TAMM41: variants seen among roughly 807,000 people sequenced by gnomAD.
TAMM41 encodes the protein phosphatidate cytidylyltransferase, mitochondrial.
A neutral mutation model predicts 44.1 loss-of-function variants in TAMM41; 36 were observed. That is an observed-to-expected ratio of 0.82 (90% confidence interval 0.63 to 1.08). The LOEUF (loss-of-function observed/expected upper bound fraction) is 1.08. Among genes scored for constraint, TAMM41 ranks in the 50% least tolerant of loss-of-function variants. The probability of loss-of-function intolerance (pLI) is 0.00; values close to 1 mark genes in which losing one functional copy is unlikely to be tolerated. For synonymous variants in TAMM41, 164 were observed against 153.1 expected, an observed-to-expected ratio of 1.07 and a Z score of -0.53; for missense variants, 417 against 404.3, an observed-to-expected ratio of 1.03 and a Z score of -0.27.
chr3:11,723,354 T>C, the TAMM41 span, among the ~76,000 whole-genome samples: 1 of 151,784 alleles, frequency 6.6e-6, no homozygotes, highest in Non-Finnish European at 1.5e-5. Context: ...CCAAGGCGGG[T>C]GCATTGCTTT....
intron 7 of TAMM41, among the ~76,000 whole-genome samples, chr3:11,797,957 C>G (rs2077650136): frequency 6.6e-6 from 1 of 152,188 alleles, no homozygotes; most frequent in Admixed American, 6.5e-5. Context: ...GAGATTCCAT[C>G]TCACAGCAGT....
chr3:11,846,883 C>T lies in TAMM41; in HGVS notation c.-247G>A, dbSNP rs2079730846. ...GCGGCGGTCGCACAGGCAGAGCTTC[C>T]GTCCCTTGCTACGCCCCACGCACGC... On this transcript the variant is annotated 5_prime_UTR_variant, in exon 1 of 8. Transcript: ENST00000455809. 4 of 514,088 alleles carry T rather than the reference C, an allele frequency of 7.8e-6. No homozygotes were observed. The East Asian group carries it at 1.1e-4, about 14-fold the overall frequency. The allele number at this position is 514,088 out of a possible 1,614,324, so 31.8% of individuals were successfully genotyped here. A position where few individuals can be genotyped will look rare whatever the true frequency, so the allele number is the denominator to read the frequency against.
the TAMM41 span, among the ~76,000 whole-genome samples, chr3:11,758,107 A>C: frequency 6.6e-6 from 1 of 152,158 alleles, no homozygotes; most frequent in Admixed American, 6.6e-5. Flanking sequence ...GGGTGAAAGA[A>C]GGAAAGAACA....
At chr3:11,775,582 A>G in the TAMM41 span, among the ~76,000 whole-genome samples, 1 of 152,230 alleles carries the variant, frequency 6.6e-6, no homozygotes, top group African/African-American at 2.4e-5. Context: ...TCAGATTCAG[A>G]TACAATCATT....
intron 5 of TAMM41, among the ~76,000 whole-genome samples, chr3:11,813,922 A>G (rs1318417913): frequency 2.0e-5 from 3 of 149,218 alleles, no homozygotes; most frequent in Non-Finnish European, 4.4e-5. Flanking sequence ...GTATATATGT[A>G]TATATGTGTG....
chr3:11,731,245 G>C, the TAMM41 span, among the ~76,000 whole-genome samples: 1 of 152,184 alleles, frequency 6.6e-6, no homozygotes, highest in African/African-American at 2.4e-5. Context: ...GGTAAAATCA[G>C]ATCTTGTTTA....
At chr3:11,765,667 G>A in the TAMM41 span, among the ~76,000 whole-genome samples, 1 of 150,880 alleles carries the variant, frequency 6.6e-6, no homozygotes, top group African/African-American at 2.5e-5. Flanking sequence ...TGTTAATGAT[G>A]TTATTATGAT....
chr3:11,802,270 A>C (rs2077776759), intron 7 of TAMM41, among the ~76,000 whole-genome samples: 1 of 152,176 alleles, frequency 6.6e-6, no homozygotes, highest in African/African-American at 2.4e-5. Flanking sequence ...AAAATTGATA[A>C]ACCACTAGCT....
At chr3:11,805,391 C>A (rs554948798) in intron 7 of TAMM41, among the ~76,000 whole-genome samples, 1 of 152,274 alleles carries the variant, frequency 6.6e-6, no homozygotes, top group East Asian at 1.9e-4. Flanking sequence ...CCTGCCTTGG[C>A]CTCCCAAAGT....
At chr3:11,807,533 A>C (rs2124951935) in intron 7 of TAMM41, 1 of 1,536,192 alleles carries the variant, frequency 6.5e-7, no homozygotes, top group East Asian at 2.4e-5. Flanking sequence ...AATCCTATGC[A>C]TCTGTAACTT....
chr3:11,812,529 T>C (rs2078120668), intron 5 of TAMM41, among the ~76,000 whole-genome samples: 1 of 152,130 alleles, frequency 6.6e-6, no homozygotes, highest in South Asian at 2.1e-4. Flanking sequence ...TGGGAACACT[T>C]TGCTTCCTAT....
At chr3:11,729,534 CTTTCATTTTTTTTTTTTTT>C in the TAMM41 span, among the ~76,000 whole-genome samples, 2 of 43,064 alleles carry the variant, frequency 4.6e-5, no homozygotes, top group East Asian at 2.4e-3. Flanking sequence ...TCTTTTCTTT[CTTTCATTTTTTTTTTTTTT>C]TTTTTTTTTT....
chr3:11,799,315 G>T (rs1420332826), intron 7 of TAMM41, among the ~76,000 whole-genome samples: 2 of 152,192 alleles, frequency 1.3e-5, no homozygotes, highest in Non-Finnish European at 2.9e-5. Context: ...GGTGAGGCAG[G>T]CATAATTATT....
chr3:11,790,422 G>T, downstream of TAMM41: 1 of 1,273,910 alleles, frequency 7.8e-7, no homozygotes, highest in Non-Finnish European at 1.1e-6. Context: ...TCAAGCAATG[G>T]GTCAAAGTAA....
chr3:11,786,277 TTA>T (rs1491283630), downstream of TAMM41, among the ~76,000 whole-genome samples: 9 of 122,742 alleles, frequency 7.3e-5, no homozygotes, highest in African/African-American at 2.8e-4. Context: ...ATTTATTTAT[TTA>T]TTTAATTTTA....
chr3:11,733,433 T>A, the TAMM41 span, among the ~76,000 whole-genome samples: 1 of 152,046 alleles, frequency 6.6e-6, no homozygotes. Flanking sequence ...CAGCTATTCA[T>A]CTGGAAGGGG....
At position 11,844,198 on chromosome 3, in the gene TAMM41, T is replaced by C; in HGVS notation, c.149A>G (p.Asp50Gly). The change falls in exon 2 of 8, where the codon GAC becomes GGC. Residue 50 changes from aspartate to glycine, a missense_variant. Transcript: ENST00000455809. ...AGGGTCATCTACTGTGAACACAAAG[T>C]CCAGCATAGCATTCTGTGGAGTGAA... ...PSSDQKNAMLDFVFTVDDPVA... is the reference protein window; with the variant it reads ...PSSDQKNAMLGFVFTVDDPVA... 6.2e-7 allele frequency: 1 copy of C among 1,614,056 alleles called. No homozygotes were observed. The highest frequency in any genetic ancestry group is 8.5e-7 in the Non-Finnish European group (1 of 1,179,996).
chr3:11,744,064 A>AT, the TAMM41 span, among the ~76,000 whole-genome samples: 1 of 151,984 alleles, frequency 6.6e-6, no homozygotes, highest in Non-Finnish European at 1.5e-5. Flanking sequence ...AACACTTAAA[A>AT]TTTTTTATTT....
the TAMM41 span, among the ~76,000 whole-genome samples, chr3:11,745,140 G>A: frequency 1.3e-5 from 2 of 152,118 alleles, 1 homozygote; most frequent in South Asian, 4.2e-4. Flanking sequence ...TGGGATTACA[G>A]GCATGAGCCA....
Sources: allele counts gnomAD v4.1 joint callset (sites outside exome capture counted in the v4.1 genomes callset), GRCh38; gene constraint gnomAD v4.1.1; transcripts MANE v1.5; gene names NCBI Gene and HGNC (gene_info 2026-07-23, HGNC 2026-07-21).